The following ARL15 variants were observed in gnomAD, a reference collection of about 807,000 sequenced individuals.
ARL15 encodes ADP-ribosylation factor-like protein 15.
ARL15 carries 19 observed loss-of-function variants against 25.2 expected under a neutral mutation model. The observed-to-expected ratio is 0.75, with a 90% CI of 0.53 to 1.10. The LOEUF (loss-of-function observed/expected upper bound fraction) is 1.10, where lower values mean the gene tolerates loss of function less well. Ranked by LOEUF, ARL15 falls within the 50% of genes least tolerant of loss-of-function variation. The pLI, the probability that ARL15 is intolerant of heterozygous loss-of-function variation, is 0.00. For missense variants in ARL15, 220 were observed against 246.0 expected (o/e 0.89, Z 0.71); for synonymous variants, 94 against 86.8 (o/e 1.08, Z -0.46).
intron 4 of ARL15, among the ~76,000 whole-genome samples, chr5:54,064,800 G>C (rs1240630868): frequency 2.6e-5 from 4 of 151,754 alleles, no homozygotes; most frequent in Non-Finnish European, 4.4e-5. Context: ...TCAGGTAACA[G>C]GGGTTTGAAC....
Position 54,153,274 on chromosome 5 carries a change from T to C in ARL15, c.253+1306A>G, listed in dbSNP as rs1754125246. 6.6e-5 allele frequency among the ~76,000 whole-genome samples: 10 copies of C among 152,194 alleles called. No individual in the cohort carries two copies. In the South Asian group the frequency reaches 2.1e-3, roughly 31 times the overall value. On this transcript the variant is annotated intron_variant, in intron 3 of 4. Transcript: ENST00000504924. ...ATTTTAAATAGGAGAAAGATTATTT[T>C]GTTTCATTTGAATGTTCTGCCAGCT...
chr5:53,990,352 A>G (rs567782904), intron 4 of ARL15, among the ~76,000 whole-genome samples: 5 of 152,248 alleles, frequency 3.3e-5, no homozygotes, highest in Non-Finnish European at 7.3e-5. Context: ...ATGATAAGCC[A>G]GGTAAAATCT....
At chr5:54,214,106 A>G (rs1475110043) in intron 1 of ARL15, among the ~76,000 whole-genome samples, 3 of 151,992 alleles carry the variant, frequency 2.0e-5, no homozygotes, top group Non-Finnish European at 4.4e-5. Flanking sequence ...GGAAGGGGGG[A>G]AAAAAGGAGA....
intron 4 of ARL15, among the ~76,000 whole-genome samples, chr5:54,011,677 C>T (rs949070499): frequency 3.3e-5 from 5 of 152,016 alleles, no homozygotes; most frequent in African/African-American, 1.2e-4. Context: ...GGCAGTCTAA[C>T]CAAAGGCAGT....
At chr5:54,206,227 C>T (rs1017510555) in intron 1 of ARL15, among the ~76,000 whole-genome samples, 9 of 152,116 alleles carry the variant, frequency 5.9e-5, no homozygotes, top group East Asian at 1.9e-4. Context: ...TAGGACTTCT[C>T]GAAGCTTGAA....
intron 1 of ARL15, among the ~76,000 whole-genome samples, chr5:54,190,036 A>C (rs1755351639): frequency 6.6e-6 from 1 of 152,200 alleles, no homozygotes; most frequent in Non-Finnish European, 1.5e-5. Context: ...GATATACAAA[A>C]GGCTAATTAA....
intron 3 of ARL15, among the ~76,000 whole-genome samples, chr5:54,152,048 T>C (rs1488355326): frequency 2.0e-5 from 3 of 152,156 alleles, no homozygotes; most frequent in African/African-American, 7.2e-5. Context: ...TTACCACCTA[T>C]TTTCTTGAGG....
chr5:54,136,061 C>T (rs1753593485), intron 3 of ARL15, among the ~76,000 whole-genome samples: 1 of 152,092 alleles, frequency 6.6e-6, no homozygotes, highest in African/African-American at 2.4e-5. Context: ...AGAAACATCA[C>T]CTTGTTATTC....
intron 4 of ARL15, among the ~76,000 whole-genome samples, chr5:54,059,982 C>T (rs966503700): frequency 6.6e-5 from 10 of 151,868 alleles, no homozygotes; most frequent in African/African-American, 2.4e-4. Context: ...AACTGATACC[C>T]TCTATCATGT....
intron 4 of ARL15, among the ~76,000 whole-genome samples, chr5:54,029,386 G>A (rs1749902072): frequency 9.9e-6 from 1 of 101,088 alleles, no homozygotes; most frequent in South Asian, 3.0e-4. Flanking sequence ...ACTACACCTA[G>A]AGAAGCATGC....
chr5:54,038,065 T>C (rs983875961), intron 4 of ARL15, among the ~76,000 whole-genome samples: 64 of 152,240 alleles, frequency 4.2e-4, no homozygotes, highest in African/African-American at 1.3e-3. Flanking sequence ...CAACTGTATA[T>C]AACCTATGTA....
chr5:54,179,847 G>A (rs981792692), intron 1 of ARL15, among the ~76,000 whole-genome samples: 11 of 151,686 alleles, frequency 7.3e-5, no homozygotes, highest in African/African-American at 1.2e-4. Context: ...GTGAGACCCC[G>A]TCTCTACTAA....
chr5:54,002,083 T>C (rs1481599086), intron 4 of ARL15, among the ~76,000 whole-genome samples: 1 of 152,208 alleles, frequency 6.6e-6, no homozygotes, highest in Non-Finnish European at 1.5e-5. Context: ...AAAATATGGA[T>C]TGAATTGGTT....
At chr5:54,042,614 C>T (rs1750376261) in intron 4 of ARL15, among the ~76,000 whole-genome samples, 1 of 152,178 alleles carries the variant, frequency 6.6e-6, no homozygotes, top group South Asian at 2.1e-4. Context: ...CTCTGACTGA[C>T]CTTACATAAC....
At chr5:53,974,534 T>C (rs1349007487) in intron 4 of ARL15, among the ~76,000 whole-genome samples, 1 of 152,204 alleles carries the variant, frequency 6.6e-6, no homozygotes, top group Non-Finnish European at 1.5e-5. Flanking sequence ...ATCAAAAGCA[T>C]AGATATTGGA....
At chr5:54,156,119 C>A (rs984684376) in intron 2 of ARL15, among the ~76,000 whole-genome samples, 2 of 152,132 alleles carry the variant, frequency 1.3e-5, no homozygotes, top group Non-Finnish European at 2.9e-5. Context: ...AGAAGGAAAT[C>A]ATTACACACC....
intron 3 of ARL15, among the ~76,000 whole-genome samples, chr5:54,116,515 G>A (rs1224097852): frequency 6.6e-6 from 1 of 152,178 alleles, no homozygotes; most frequent in Non-Finnish European, 1.5e-5. Context: ...CATGAAGGAT[G>A]TGCAGTGCAC....
intron 4 of ARL15, among the ~76,000 whole-genome samples, chr5:53,960,333 T>C (rs1195264966): frequency 6.6e-6 from 1 of 152,216 alleles, no homozygotes; most frequent in Non-Finnish European, 1.5e-5. Flanking sequence ...TAATCTATCC[T>C]TAACAGTGAT....
At chr5:53,933,056 T>C (rs567295728) in intron 4 of ARL15, among the ~76,000 whole-genome samples, 1 of 152,144 alleles carries the variant, frequency 6.6e-6, no homozygotes, top group African/African-American at 2.4e-5. Flanking sequence ...AATAATAAAA[T>C]GAAAAGCTTT....
Sources: allele counts gnomAD v4.1 joint callset (sites outside exome capture counted in the v4.1 genomes callset), GRCh38; gene constraint gnomAD v4.1.1; transcripts MANE v1.5; gene names NCBI Gene and HGNC (gene_info 2026-07-23, HGNC 2026-07-21).